The following EPS8 variants were observed in gnomAD, a reference collection of about 807,000 sequenced individuals.
The protein encoded by EPS8 is EGFR pathway substrate 8, signaling adaptor, also known as epidermal growth factor receptor kinase substrate 8.
In EPS8, 42 loss-of-function variants were observed where a neutral mutation model predicts 103.8. The observed-to-expected ratio is 0.40, with a 90% CI of 0.32 to 0.52. The LOEUF is 0.52. EPS8 is among the 20% of genes least tolerant of loss of function. The pLI is 0.40. For synonymous variants in EPS8, 344 were observed against 344.6 expected, an observed-to-expected ratio of 1.00 and a Z score of 0.02; for missense variants, 969 against 1,005.1, an observed-to-expected ratio of 0.96 and a Z score of 0.49.
intron 1 of EPS8, among the ~76,000 whole-genome samples, chr12:15,737,184 T>C (rs757531019): frequency 2.0e-5 from 3 of 151,952 alleles, no homozygotes; most frequent in Non-Finnish European, 2.9e-5. Context: ...ACCATAAATA[T>C]CAATAAATTG....
intron 3 of EPS8, among the ~76,000 whole-genome samples, chr12:15,676,428 G>C (rs1479851462): frequency 6.6e-6 from 1 of 152,042 alleles, no homozygotes; most frequent in Non-Finnish European, 1.5e-5. Flanking sequence ...CAGTCACATG[G>C]AAAAAGCAGC....
chr12:15,700,721 T>TCAA lies in EPS8; in HGVS notation c.-21-17752_-21-17750dup. On this transcript the variant is annotated intron_variant, in intron 1 of 20. Transcript: ENST00000281172. The surrounding 1 kb of genome is among the most constrained non-coding windows in gnomAD (Gnocchi z 5.1). The stretch of plus-strand genomic sequence containing the variant: ...TTTGGTAAAAGCATGCCTATTTATA[T>TCAA]CAAGGAGGTTCAAAACTGACTCAGA... Among the ~76,000 whole-genome samples, 1 of 152,278 alleles carries TCAA rather than the reference T, an allele frequency of 6.6e-6. No homozygotes were observed. Among genetic ancestry groups the TCAA allele is most frequent in the Non-Finnish European group, 1.5e-5 (1 of 68,018 alleles).
At position 15,751,301 on chromosome 12, in the gene EPS8, T is replaced by G. The variant is rs1946929002; in HGVS notation, c.-22+37860A>C. Reference sequence around the variant, plus strand: ...TGAACCTGGGAGATAAAGGCTGCAGTGAGCTGAGATCACGCCACTGCACTC... The same window carrying G: ...TGAACCTGGGAGATAAAGGCTGCAGGGAGCTGAGATCACGCCACTGCACTC... On this transcript the variant is annotated intron_variant, in intron 1 of 20. Coordinates refer to ENST00000281172, the MANE Select transcript of EPS8 (RefSeq NM_004447.6). The surrounding 1 kb of genome is among the most constrained non-coding windows in gnomAD (Gnocchi z 4.3). Among the ~76,000 whole-genome samples, 1 of 152,126 alleles carries G rather than the reference T, an allele frequency of 6.6e-6. No individual in the cohort carries two copies. The highest frequency in any genetic ancestry group is 6.5e-5 in the Admixed American group (1 of 15,272).
rs147835971 is a variant in EPS8 at position 15,624,478 on chromosome 12, T to C, written c.2045-71A>G. 6,029 of 1,216,898 alleles carry C rather than the reference T, an allele frequency of 5.0e-3. 46 individuals carry two copies. The highest frequency in any genetic ancestry group is 6.7e-3 in the Middle Eastern group (31 of 4,622). 75.4% of individuals were successfully genotyped at this position (1,216,898 alleles called of 1,614,324 possible). ...TACATCACCCTCTCTAGAACCCCAA[T>C]CTCTATAATCCTTGACCCCAGTAGG... On this transcript the variant is annotated intron_variant, in intron 18 of 20. Coordinates refer to ENST00000281172, the MANE Select transcript of EPS8 (RefSeq NM_004447.6).
chr12:15,663,953 A>AATAAT (rs1565487324), intron 8 of EPS8, among the ~76,000 whole-genome samples: 3 of 27,336 alleles, frequency 1.1e-4, no homozygotes, highest in African/African-American at 5.1e-4. Flanking sequence ...AAAATAATAT[A>AATAAT]TATATATATA....
At chr12:15,723,835 A>C (rs1388939998) in intron 1 of EPS8, among the ~76,000 whole-genome samples, 2 of 152,172 alleles carry the variant, frequency 1.3e-5, no homozygotes, top group Non-Finnish European at 2.9e-5. Context: ...AAGAAGATGA[A>C]GTTTACCCAC....
intron 1 of EPS8, among the ~76,000 whole-genome samples, chr12:15,743,166 C>T (rs1250688164): frequency 3.9e-5 from 6 of 152,132 alleles, no homozygotes; most frequent in African/African-American, 1.4e-4. Flanking sequence ...TTCACAATTG[C>T]TTCAAAGAGA....
At chr12:15,660,436 G>C (rs564835476) in intron 10 of EPS8, among the ~76,000 whole-genome samples, 178 bp downstream of exon 10, 3 of 152,012 alleles carry the variant, frequency 2.0e-5, no homozygotes, top group African/African-American at 7.2e-5. Flanking sequence ...GCTAATTTTT[G>C]TATTTTTAGT....
At chr12:15,675,264 T>C (rs1945883758) in intron 3 of EPS8, among the ~76,000 whole-genome samples, 1 of 152,228 alleles carries the variant, frequency 6.6e-6, no homozygotes, top group African/African-American at 2.4e-5. Context: ...AAATATATTT[T>C]CCTACTTGTT....
At position 15,783,438 on chromosome 12, in the gene EPS8, C is replaced by T. The variant is rs147951640; in HGVS notation, c.-22+5723G>A. ...CTGTGCAGGGGTCAGTGAGTCTAAC[C>T]GCTGCACTATTGAAGGGTCAACTGT... On this transcript the variant is annotated intron_variant, in intron 1 of 20. Transcript: ENST00000281172. 1.1e-3 allele frequency among the ~76,000 whole-genome samples: 166 copies of T among 152,012 alleles called. 2 individuals carry two copies. In the East Asian group the frequency reaches 0.031, roughly 28 times the overall value.
At chr12:15,624,477 A>C in intron 18 of EPS8, 70 bp from the exon 19 acceptor site, 1 of 1,208,316 alleles carries the variant, frequency 8.3e-7, no homozygotes, top group Non-Finnish European at 1.2e-6. Flanking sequence ...TAGAACCCCA[A>C]TCTCTATAAT....
At chr12:15,623,325 A>G (rs1944891432) in intron 19 of EPS8, 38 bp from the exon 20 acceptor site, 2 of 1,558,982 alleles carry the variant, frequency 1.3e-6, no homozygotes, top group Non-Finnish European at 1.7e-6. Flanking sequence ...TGAGCATTAA[A>G]AATATTGCCT....
At chr12:15,645,495 T>C (rs1256782169) in intron 15 of EPS8, among the ~76,000 whole-genome samples, 1 of 152,148 alleles carries the variant, frequency 6.6e-6, no homozygotes, top group Non-Finnish European at 1.5e-5. Flanking sequence ...TACATATAAT[T>C]TAAGTGAGCT....
chr12:15,660,634 C>A lies in EPS8; in HGVS notation c.917G>T (p.Gly306Val). The change falls in exon 10 of 21, where the codon GGT becomes GTT. Residue 306 changes from glycine to valine, a missense_variant. Coordinates refer to ENST00000281172, the MANE Select transcript of EPS8 (RefSeq NM_004447.6). ...ELSKRKKNKK[G>V]KRKGPGEGVL... ...CTTACCTCCTGGTCCTTTCCTTTTACCTTTCTTGTTTTTCTTCCTTTTAGA... is the reference window on the plus strand; with the variant it reads ...CTTACCTCCTGGTCCTTTCCTTTTAACTTTCTTGTTTTTCTTCCTTTTAGA... 1 of 1,550,132 alleles carries A rather than the reference C, an allele frequency of 6.5e-7. No individual in the cohort carries two copies. Among genetic ancestry groups the A allele is most frequent in the Non-Finnish European group, 8.9e-7 (1 of 1,122,330 alleles).
At position 15,735,651 on chromosome 12, in the gene EPS8, T is replaced by G. The variant is rs189538388; in HGVS notation, c.-21-52679A>C. Among the ~76,000 whole-genome samples the G allele has an allele frequency of 2.0e-5, 3 of 152,356 alleles. No individual in the cohort carries two copies. The highest frequency in any genetic ancestry group is 2.0e-4 in the Admixed American group (3 of 15,306). The stretch of plus-strand genomic sequence containing the variant: ...TTTAAGTACTTCTTCTATGTAGATG[T>G]GCATGTATATTGAGCTCAAAGCCTA... On this transcript the variant is annotated intron_variant, in intron 1 of 20. Coordinates refer to ENST00000281172, the MANE Select transcript of EPS8 (RefSeq NM_004447.6). The surrounding 1 kb of genome is among the most constrained non-coding windows in gnomAD (Gnocchi z 4.4).
At position 15,727,600 on chromosome 12, in the gene EPS8, C is replaced by T. The variant is rs1461719463; in HGVS notation, c.-21-44628G>A. ...TAAGGCTGGGCACAGTGGCTCACGCCTGTAATTCCAGCACCTTGGGAGGCC... is the reference window on the plus strand; with the variant it reads ...TAAGGCTGGGCACAGTGGCTCACGCTTGTAATTCCAGCACCTTGGGAGGCC... On this transcript the variant is annotated intron_variant, in intron 1 of 20. Coordinates refer to ENST00000281172, the MANE Select transcript of EPS8 (RefSeq NM_004447.6). The surrounding 1 kb of genome is among the most constrained non-coding windows in gnomAD (Gnocchi z 4.3). Among the ~76,000 whole-genome samples the T allele has an allele frequency of 6.6e-6, 1 of 152,232 alleles. No homozygotes were observed. The highest frequency in any genetic ancestry group is 1.5e-5 in the Non-Finnish European group (1 of 68,036).
At chr12:15,632,960 G>C (rs1945074805) in intron 17 of EPS8, among the ~76,000 whole-genome samples, 1 of 152,096 alleles carries the variant, frequency 6.6e-6, no homozygotes, top group Non-Finnish European at 1.5e-5. Context: ...ATTATGAAAG[G>C]ATGGAAGTAT....
intron 2 of EPS8, among the ~76,000 whole-genome samples, chr12:15,681,702 C>G (rs1353583208): frequency 7.2e-6 from 1 of 138,538 alleles, no homozygotes; most frequent in Non-Finnish European, 1.5e-5. Context: ...TGCACTCCAG[C>G]CTGGTGACAG....
At position 15,760,630 on chromosome 12, in the gene EPS8, C is replaced by A. The variant is rs999800216; in HGVS notation, c.-22+28531G>T. 6.6e-6 allele frequency among the ~76,000 whole-genome samples: 1 copy of A among 152,050 alleles called. No homozygotes were observed. The highest frequency in any genetic ancestry group is 2.4e-5 in the African/African-American group (1 of 41,428). On this transcript the variant is annotated intron_variant, in intron 1 of 20. Transcript: ENST00000281172. The surrounding 1 kb of genome is among the most constrained non-coding windows in gnomAD (Gnocchi z 4.5). ...CCAGGTGGGATAAATCCCACCAATA[C>A]AAGAATGGTTCAACATAAACAAATC...
Sources: gnomAD v4.1 joint callset for allele counts (sites outside exome capture counted in the v4.1 genomes callset) on GRCh38, gnomAD v4.1.1 for gene constraint, Gnocchi (gnomAD v3.1) non-coding constraint, MANE v1.5 for transcripts, NCBI Gene and HGNC (gene_info 2026-07-23, HGNC 2026-07-21) for gene names.